The following DGKG variants were observed in gnomAD, a reference collection of about 807,000 sequenced individuals.
DGKG encodes DAG kinase gamma.
DGKG carries 78 observed loss-of-function variants against 105.3 expected under a neutral mutation model. That is an observed-to-expected ratio of 0.74 (90% CI 0.62 to 0.89). DGKG has a LOEUF of 0.89. DGKG is among the 40% of genes least tolerant of loss of function. DGKG has a pLI of 0.00. For synonymous variants in DGKG, 346 were observed against 367.1 expected (o/e 0.94, Z 0.66); for missense variants, 958 against 1,020.1 (o/e 0.94, Z 0.83).
At chr3:186,280,127 G>A (rs1722763373) in intron 8 of DGKG, among the ~76,000 whole-genome samples, 154 bp from the exon 9 acceptor site, 1 of 152,206 alleles carries the variant, frequency 6.6e-6, no homozygotes. Flanking sequence ...TGGGAGTGAG[G>A]AGGCCAGGCT....
intron 2 of DGKG, among the ~76,000 whole-genome samples, chr3:186,311,903 T>A: frequency 7.8e-6 from 1 of 127,720 alleles, no homozygotes; most frequent in Admixed American, 7.1e-5. Context: ...GATCATGAGG[T>A]CAGGAGATCG....
chr3:186,299,786 T>TTTCC (rs1723792763), intron 3 of DGKG, among the ~76,000 whole-genome samples: 1 of 72,652 alleles, frequency 1.4e-5, no homozygotes, highest in Non-Finnish European at 2.7e-5. Context: ...TCTTTCTTTC[T>TTTCC]TTCTTTCTTT....
In DGKG at chr3:186,251,637, C is replaced by G. The variant is rs113797855; in HGVS notation, c.1761+122G>C. Reference sequence around the variant, plus strand: ...CAAGTTTCAGAATGCTTGGACCCAACTCAGGGCTGGGGGGGCAGGTAAGAC... The same window carrying G: ...CAAGTTTCAGAATGCTTGGACCCAAGTCAGGGCTGGGGGGGCAGGTAAGAC... On this transcript the variant is annotated intron_variant, in intron 19 of 24. Transcript: ENST00000265022. 4.0e-3 allele frequency: 4,611 copies of G among 1,162,424 alleles called. 123 individuals are homozygous for G. The African/African-American group carries it at 0.052, about 13-fold the overall frequency. The allele number at this position is 1,162,424 out of a possible 1,614,324, so 72.0% of individuals were successfully genotyped here. A position where few individuals can be genotyped will look rare whatever the true frequency, so the allele number is the denominator to read the frequency against.
intron 3 of DGKG, among the ~76,000 whole-genome samples, chr3:186,306,435 T>C (rs1164291597): frequency 6.6e-6 from 1 of 151,468 alleles, no homozygotes; most frequent in Admixed American, 6.6e-5. Context: ...CTGGGGAAGA[T>C]ATGTTGCTGA....
chr3:186,350,739 C>T (rs1726590433), intron 1 of DGKG, among the ~76,000 whole-genome samples: 1 of 152,190 alleles, frequency 6.6e-6, no homozygotes, highest in African/African-American at 2.4e-5. Flanking sequence ...GCTCTACATC[C>T]TTGCCAACAC....
chr3:186,282,637 C>A (rs1486312538), intron 7 of DGKG, among the ~76,000 whole-genome samples: 1 of 151,752 alleles, frequency 6.6e-6, no homozygotes, highest in Non-Finnish European at 1.5e-5. Flanking sequence ...CTCAGCCTCC[C>A]GAGTAGCTGG....
chr3:186,244,800 G>A (rs1039350165), intron 19 of DGKG, among the ~76,000 whole-genome samples: 5 of 151,956 alleles, frequency 3.3e-5, no homozygotes, highest in Non-Finnish European at 7.4e-5. Flanking sequence ...CCCCAGAGAG[G>A]CCTCTGTCCC....
intron 19 of DGKG, among the ~76,000 whole-genome samples, chr3:186,247,682 C>A (rs1003312907): frequency 6.6e-6 from 1 of 152,012 alleles, no homozygotes; most frequent in Admixed American, 6.5e-5. Flanking sequence ...ACAAACCCTG[C>A]AAACATTTTA....
intron 2 of DGKG, among the ~76,000 whole-genome samples, chr3:186,310,265 C>CAAAAAAAAAAAAAAAAAAAAA (rs1165723037): frequency 9.0e-5 from 3 of 33,294 alleles, no homozygotes; most frequent in African/African-American, 2.7e-4. Context: ...GACTCCGTCT[C>CAAAAAAAAAAAAAAAAAAAAA]AAAAAAAAAA....
chr3:186,313,545 G>T, intron 2 of DGKG: 1 of 985,162 alleles, frequency 1.0e-6, no homozygotes, highest in East Asian at 1.1e-4. Flanking sequence ...AGACAACTTG[G>T]ACCATCTTGC....
chr3:186,248,442 C>T lies in DGKG; in HGVS notation c.1761+3317G>A, dbSNP rs533222145. On this transcript the variant is annotated intron_variant, in intron 19 of 24. Coordinates refer to ENST00000265022, the MANE Select transcript of DGKG (RefSeq NM_001346.3). Reference sequence around the variant, plus strand: ...ATTTCAGTTCCGGCTTCCATGCCAGCGAAGAGCCACTTCCTTTGACCATTC... The same window carrying T: ...ATTTCAGTTCCGGCTTCCATGCCAGTGAAGAGCCACTTCCTTTGACCATTC... 3.9e-5 allele frequency among the ~76,000 whole-genome samples: 6 copies of T among 152,340 alleles called. No individual in the cohort carries two copies. In the East Asian group the frequency reaches 5.8e-4, roughly 15 times the overall value.
At position 186,260,517 on chromosome 3, in the gene DGKG, TG is replaced by T; in HGVS notation, c.1350-5del. Reference sequence around the variant, plus strand: ...ATAGTGGAATTTCCGAAGAATTCTATGGAAAAAAAAAGAAAAGGAGGGAGAG... The same window carrying T: ...ATAGTGGAATTTCCGAAGAATTCTATGAAAAAAAAAGAAAAGGAGGGAGAG... On this transcript the variant is annotated splice_region_variant and splice_polypyrimidine_tract_variant and intron_variant, in intron 15 of 24. Transcript: ENST00000265022. 1 of 1,605,566 alleles carries T rather than the reference TG, an allele frequency of 6.2e-7. No individual in the cohort carries two copies. The highest frequency in any genetic ancestry group is 1.1e-5 in the South Asian group (1 of 90,498).
chr3:186,252,703 T>C (rs1721283519), intron 18 of DGKG, among the ~76,000 whole-genome samples: 1 of 152,210 alleles, frequency 6.6e-6, no homozygotes, highest in African/African-American at 2.4e-5. Context: ...ATCAGCCATT[T>C]GTGGGAGAGG....
At chr3:186,179,163 G>A (rs780838808) in intron 22 of DGKG, among the ~76,000 whole-genome samples, 2 of 152,144 alleles carry the variant, frequency 1.3e-5, no homozygotes, top group Non-Finnish European at 1.5e-5. Flanking sequence ...CTAGTGCAGG[G>A]ATTGACTAAC....
At chr3:186,339,322 T>C (rs1259231357) in intron 1 of DGKG, among the ~76,000 whole-genome samples, 1 of 152,188 alleles carries the variant, frequency 6.6e-6, no homozygotes, top group Non-Finnish European at 1.5e-5. Context: ...CTGTGTGTGC[T>C]AAGGGCTGTG....
At chr3:186,353,638 A>G (rs62290688) in intron 1 of DGKG, among the ~76,000 whole-genome samples, 2 of 108,318 alleles carry the variant, frequency 1.8e-5, no homozygotes, top group African/African-American at 6.6e-5. Context: ...CTATATCTAT[A>G]TCTATATCTA....
intron 12 of DGKG, 88 bp from the exon 13 acceptor site, chr3:186,267,865 C>A: frequency 8.4e-7 from 1 of 1,183,548 alleles, no homozygotes; most frequent in East Asian, 2.4e-5. Context: ...GAGAGGTGAG[C>A]TGTCTAGTGC....
intron 22 of DGKG, among the ~76,000 whole-genome samples, chr3:186,172,005 A>G (rs1175486377): frequency 6.6e-6 from 1 of 151,952 alleles, no homozygotes; most frequent in Non-Finnish European, 1.5e-5. Context: ...ACAGGCACCC[A>G]CCATCATGCC....
intron 22 of DGKG, among the ~76,000 whole-genome samples, chr3:186,173,110 C>A (rs1716901928): frequency 1.3e-5 from 2 of 152,196 alleles, no homozygotes; most frequent in Admixed American, 1.3e-4. Context: ...CTTATAAGGA[C>A]ACCAGTTGGA....
Sources: gnomAD v4.1 joint callset for allele counts (sites outside exome capture counted in the v4.1 genomes callset) on GRCh38, gnomAD v4.1.1 for gene constraint, MANE v1.5 for transcripts, NCBI Gene and HGNC (gene_info 2026-07-23, HGNC 2026-07-21) for gene names.